The following CDYL variants were observed in gnomAD, a reference collection of about 807,000 sequenced individuals.
CDYL encodes chromodomain Y-like protein.
CDYL carries 8 observed loss-of-function variants against 47.3 expected under a neutral mutation model. The ratio of observed to expected loss-of-function variants is 0.17; its 90% confidence interval spans 0.10 to 0.31. The LOEUF (loss-of-function observed/expected upper bound fraction) is 0.31, where lower values mean the gene tolerates loss of function less well. CDYL is among the 10% of genes least tolerant of loss of function. The pLI is 1.00. For missense variants in CDYL, 471 were observed against 701.4 expected, an observed-to-expected ratio of 0.67 and a Z score of 3.71; for synonymous variants, 266 against 265.0, an observed-to-expected ratio of 1.00 and a Z score of -0.04.
intron 2 of CDYL, chr6:4,724,861 T>G (rs1005865397): frequency 2.6e-5 from 4 of 152,136 alleles, no homozygotes; most frequent in Non-Finnish European, 5.9e-5. Context: ...TTCCAAACCG[T>G]GGAAAAAGAC....
intron 1 of CDYL, among the ~76,000 whole-genome samples, chr6:4,865,272 C>G (rs1240154705): frequency 1.3e-5 from 2 of 152,168 alleles, no homozygotes; most frequent in African/African-American, 4.8e-5. Flanking sequence ...TCCCGCCAAA[C>G]TACTCATCCC....
At chr6:4,906,763 T>C (rs1372266978) in intron 2 of CDYL, among the ~76,000 whole-genome samples, 1 of 152,270 alleles carries the variant, frequency 6.6e-6, no homozygotes, top group Non-Finnish European at 1.5e-5. Flanking sequence ...GGTGTAAAAA[T>C]AGACTCAGTC....
At chr6:4,841,276 G>A (rs1760481497) in intron 1 of CDYL, among the ~76,000 whole-genome samples, 1 of 152,142 alleles carries the variant, frequency 6.6e-6, no homozygotes, top group Admixed American at 6.5e-5. Context: ...GTGAATTCTA[G>A]TTGAGAGTTT....
intron 1 of CDYL, among the ~76,000 whole-genome samples, chr6:4,850,463 T>A (rs1760790206): frequency 6.6e-6 from 1 of 151,868 alleles, no homozygotes; most frequent in African/African-American, 2.4e-5. Context: ...TCACAGTGGT[T>A]TTATTTTCCT....
At position 4,851,471 on chromosome 6, in the gene CDYL, T is replaced by G. The variant is rs191871072; in HGVS notation, c.25-40242T>G. Reference sequence around the variant, plus strand: ...AGGGGTGAGCTTTTGAGGTCTTCATTGTGGCAGGCGACATCTGGGACAGCT... The same window carrying G: ...AGGGGTGAGCTTTTGAGGTCTTCATGGTGGCAGGCGACATCTGGGACAGCT... On this transcript the variant is annotated intron_variant, in intron 1 of 6. Transcript: ENST00000397588. Among the ~76,000 whole-genome samples the G allele has an allele frequency of 6.6e-3, 1,001 of 152,264 alleles. 14 individuals are homozygous for G. Among genetic ancestry groups the G allele is most frequent in the African/African-American group, 0.023 (944 of 41,540 alleles).
intron 1 of CDYL, among the ~76,000 whole-genome samples, chr6:4,856,866 A>G (rs1761023861): frequency 6.6e-6 from 1 of 152,190 alleles, no homozygotes. Flanking sequence ...ACATTTCCTC[A>G]CTAATTTGAA....
intron 1 of CDYL, among the ~76,000 whole-genome samples, chr6:4,851,984 A>G (rs1760842326): frequency 6.6e-6 from 1 of 151,804 alleles, no homozygotes; most frequent in Non-Finnish European, 1.5e-5. Flanking sequence ...GACTTTTTGA[A>G]GTAACCAGGC....
Position 4,955,059 on chromosome 6 carries a change from G to A in CDYL, c.*1003G>A, listed in dbSNP as rs1172964009. Reference sequence around the variant, plus strand: ...AAATTCTTTTGGCACACTATTAAATGCAAAAACTCCTTTCAAAACAAAAAA... The same window carrying A: ...AAATTCTTTTGGCACACTATTAAATACAAAAACTCCTTTCAAAACAAAAAA... On this transcript the variant is annotated 3_prime_UTR_variant, in exon 7 of 7. Transcript: ENST00000397588. 2.0e-5 allele frequency: 3 copies of A among 152,538 alleles called. No homozygotes were observed. The highest frequency in any genetic ancestry group is 4.4e-5 in the Non-Finnish European group (3 of 68,006). 9.4% of individuals were successfully genotyped at this position (152,538 alleles called of 1,614,324 possible). A position where few individuals can be genotyped will look rare whatever the true frequency, so the allele number is the denominator to read the frequency against.
intron 2 of CDYL, among the ~76,000 whole-genome samples, chr6:4,721,454 C>T (rs1053216666): frequency 3.3e-5 from 5 of 152,172 alleles, no homozygotes; most frequent in Admixed American, 6.5e-5. Flanking sequence ...ATGATCTCAG[C>T]TCATTGCAAC....
chr6:4,821,593 C>T (rs1033961816), intron 1 of CDYL, among the ~76,000 whole-genome samples: 6 of 151,924 alleles, frequency 3.9e-5, no homozygotes, highest in South Asian at 2.1e-4. Flanking sequence ...AATTGGTGGG[C>T]GTGGTGGCAT....
At chr6:4,797,694 T>A (rs367818673) in intron 1 of CDYL, among the ~76,000 whole-genome samples, 1 of 152,196 alleles carries the variant, frequency 6.6e-6, no homozygotes, top group East Asian at 1.9e-4. Flanking sequence ...GAAACATACA[T>A]TTTGTGTCTG....
At chr6:4,923,788 C>T (rs920136161) in intron 2 of CDYL, among the ~76,000 whole-genome samples, 8 of 151,842 alleles carry the variant, frequency 5.3e-5, no homozygotes. Flanking sequence ...GTAGTCCCAG[C>T]TACTCGGGAG....
intron 2 of CDYL, among the ~76,000 whole-genome samples, chr6:4,904,582 C>G (rs1021143690): frequency 6.6e-6 from 1 of 152,202 alleles, no homozygotes; most frequent in Non-Finnish European, 1.5e-5. Flanking sequence ...ATGATAACAT[C>G]TGGTCTGTCC....
intron 2 of CDYL, among the ~76,000 whole-genome samples, chr6:4,929,493 TACACACAC>T (rs71540836): frequency 9.0e-5 from 13 of 144,038 alleles, no homozygotes; most frequent in Admixed American, 4.2e-4. Flanking sequence ...ATGTTTTACT[TACACACAC>T]ACACACACAC....
At chr6:4,910,084 A>G (rs1336723483) in intron 2 of CDYL, among the ~76,000 whole-genome samples, 2 of 151,720 alleles carry the variant, frequency 1.3e-5, no homozygotes, top group Non-Finnish European at 2.9e-5. Context: ...GCCTCAGCAC[A>G]GACGGCACTT....
intron 3 of CDYL, among the ~76,000 whole-genome samples, chr6:4,762,215 C>T (rs918990684): frequency 6.6e-6 from 1 of 152,166 alleles, no homozygotes; most frequent in African/African-American, 2.4e-5. Flanking sequence ...CAGAAGTAAG[C>T]ACCCCTAGAG....
intron 1 of CDYL, among the ~76,000 whole-genome samples, chr6:4,854,876 G>T (rs913655386): frequency 6.6e-6 from 1 of 152,180 alleles, no homozygotes; most frequent in Non-Finnish European, 1.5e-5. Flanking sequence ...AGTTAGGTAA[G>T]ATTAAAGGAA....
intron 4 of CDYL, among the ~76,000 whole-genome samples, chr6:4,938,518 C>T (rs1171342020): frequency 6.6e-6 from 1 of 152,140 alleles, no homozygotes; most frequent in East Asian, 1.9e-4. Context: ...AACACGAATA[C>T]ATTGTGGAAT....
At chr6:4,827,338 T>C (rs148492951) in intron 1 of CDYL, among the ~76,000 whole-genome samples, 124 of 152,370 alleles carry the variant, frequency 8.1e-4, no homozygotes, top group African/African-American at 2.8e-3. Context: ...GTTTTCTGCC[T>C]TATACTTTTG....
Sources: allele counts gnomAD v4.1 joint callset (sites outside exome capture counted in the v4.1 genomes callset), GRCh38; gene constraint gnomAD v4.1.1; transcripts MANE v1.5; gene names NCBI Gene and HGNC (gene_info 2026-07-23, HGNC 2026-07-21).